The following LRIG1 variants were observed in gnomAD, a reference collection of about 807,000 sequenced individuals.
The protein encoded by LRIG1 is leucine rich repeats and immunoglobulin like domains 1, also known as leucine-rich repeats and immunoglobulin-like domains protein 1.
In LRIG1, 48 loss-of-function variants were observed where a neutral mutation model predicts 99.2. The ratio of observed to expected loss-of-function variants is 0.48; its 90% CI spans 0.38 to 0.62. The LOEUF (loss-of-function observed/expected upper bound fraction) is 0.62, where lower values mean the gene tolerates loss of function less well. LRIG1 is among the 20% of genes least tolerant of loss of function. LRIG1 has a pLI of 0.00. For synonymous variants in LRIG1, 772 were observed against 596.1 expected, an observed-to-expected ratio of 1.29 and a Z score of -4.30; for missense variants, 1,646 against 1,434.4, an observed-to-expected ratio of 1.15 and a Z score of -2.38.
At chr3:66,489,466 G>A (rs1476081498) in intron 1 of LRIG1, among the ~76,000 whole-genome samples, 1 of 152,076 alleles carries the variant, frequency 6.6e-6, no homozygotes, top group Non-Finnish European at 1.5e-5. Flanking sequence ...CGGCTATAGT[G>A]AGCCATGATT....
chr3:66,392,854 G>A (rs558138763), intron 12 of LRIG1, among the ~76,000 whole-genome samples: 16 of 152,300 alleles, frequency 1.1e-4, no homozygotes, highest in Admixed American at 6.5e-4. Flanking sequence ...AATGAACAAT[G>A]GATTATACAG....
intron 1 of LRIG1, among the ~76,000 whole-genome samples, chr3:66,469,907 CAAAAAA>C (rs55768550): frequency 8.6e-6 from 1 of 115,808 alleles, no homozygotes; most frequent in South Asian, 2.9e-4. Flanking sequence ...CTGTCCCTAC[CAAAAAA>C]AAAAAAAAAA....
intron 1 of LRIG1, among the ~76,000 whole-genome samples, chr3:66,479,401 C>G (rs1003226354): frequency 4.1e-4 from 63 of 152,184 alleles, no homozygotes; most frequent in African/African-American, 1.5e-3. Flanking sequence ...GCCACATTTT[C>G]TTTTTCCCTT....
At chr3:66,395,510 T>C (rs1386621758) in intron 11 of LRIG1, among the ~76,000 whole-genome samples, 1 of 152,350 alleles carries the variant, frequency 6.6e-6, no homozygotes, top group East Asian at 1.9e-4. Context: ...AAAATAATTA[T>C]AATTTTGGAA....
intron 14 of LRIG1, 26 bp from the exon 15 acceptor site, chr3:66,383,427 G>A (rs769306756): frequency 2.0e-6 from 3 of 1,517,174 alleles, no homozygotes; most frequent in African/African-American, 1.4e-5. Context: ...AGAGATCTTA[G>A]TCATTCTCAG....
At chr3:66,398,323 C>G in intron 10 of LRIG1, 140 bp from the exon 11 acceptor site, 4 of 635,634 alleles carry the variant, frequency 6.3e-6, no homozygotes, top group Non-Finnish European at 1.1e-5. Context: ...TGTTGTTTCC[C>G]AAATCGCAAC....
intron 8 of LRIG1, 29 bp downstream of exon 8, chr3:66,407,319 C>T: frequency 6.2e-7 from 1 of 1,613,786 alleles, no homozygotes. Flanking sequence ...CTGGGGACCC[C>T]TTTATCCTGT....
chr3:66,445,236 C>T (rs1291653284), intron 3 of LRIG1, among the ~76,000 whole-genome samples: 3 of 151,890 alleles, frequency 2.0e-5, no homozygotes, highest in South Asian at 4.2e-4. Flanking sequence ...TTTACTTTTA[C>T]ACTGACGGTT....
At chr3:66,475,737 ACCTGCACAAAC>A (rs1700707801) in intron 1 of LRIG1, among the ~76,000 whole-genome samples, 1 of 152,328 alleles carries the variant, frequency 6.6e-6, no homozygotes, top group Admixed American at 6.5e-5. Context: ...TGCAGAAAGC[ACCTGCACAAAC>A]TCGTCAGGAT....
Position 66,448,842 on chromosome 3 carries a change from T to G in LRIG1, c.365+2717A>C, listed in dbSNP as rs907740882. The stretch of plus-strand genomic sequence containing the variant: ...GGACTATAAGCATCTAACTATTAAC[T>G]ACCACATTTTCAGACGATGTGTTGA... On this transcript the variant is annotated intron_variant, in intron 3 of 18. Transcript: ENST00000273261. Among the ~76,000 whole-genome samples, 3 of 152,378 alleles carry G rather than the reference T, an allele frequency of 2.0e-5. No individual in the cohort carries two copies. The South Asian group carries it at 6.2e-4, about 32-fold the overall frequency.
In LRIG1 at chr3:66,379,952, ATT is replaced by A. The variant is rs111743305; in HGVS notation, c.*309_*310del. ...ACAGCAACCTGATACGAAAAATAAT[ATT>A]GTCAAAATTGTATAATTTTTTTCTG... On this transcript the variant is annotated 3_prime_UTR_variant, in exon 19 of 19. Transcript: ENST00000273261. 0.061 allele frequency: 11,853 copies of A among 194,102 alleles called. 475 individuals carry two copies. Among genetic ancestry groups the A allele is most frequent in the African/African-American group, 0.12 (5,114 of 42,908 alleles). 12.0% of individuals were successfully genotyped at this position (194,102 alleles called of 1,614,324 possible). A position where few individuals can be genotyped will look rare whatever the true frequency, so the allele number is the denominator to read the frequency against.
chr3:66,490,738 T>C (rs13319138), intron 1 of LRIG1, among the ~76,000 whole-genome samples: 10,024 of 152,236 alleles, frequency 0.066, 806 homozygotes, highest in African/African-American at 0.19. Context: ...TAAATTTAAT[T>C]AAGCTTCACA....
intron 3 of LRIG1, among the ~76,000 whole-genome samples, chr3:66,447,003 T>C (rs370867758): frequency 6.6e-6 from 1 of 152,156 alleles, no homozygotes; most frequent in African/African-American, 2.4e-5. Flanking sequence ...GTGGTGATGG[T>C]TGCACAACAC....
intron 13 of LRIG1, among the ~76,000 whole-genome samples, chr3:66,384,807 C>G (rs1701285023): frequency 6.6e-6 from 1 of 152,168 alleles, no homozygotes; most frequent in Non-Finnish European, 1.5e-5. Flanking sequence ...ATTCAGCTTG[C>G]TAGCTTGCTC....
chr3:66,385,125 A>C (rs1324531783), intron 13 of LRIG1, among the ~76,000 whole-genome samples: 2 of 151,980 alleles, frequency 1.3e-5, no homozygotes, highest in African/African-American at 4.8e-5. Context: ...GGGACAGTAA[A>C]CTCTTCAAGC....
In LRIG1 at chr3:66,460,081, G is replaced by T. The variant is rs1700322157; in HGVS notation, c.290+2357C>A. Among the ~76,000 whole-genome samples the T allele has an allele frequency of 1.3e-5, 2 of 151,926 alleles. 1 individual carries two copies. The highest frequency in any genetic ancestry group is 4.1e-4 in the South Asian group (2 of 4,822). On this transcript the variant is annotated intron_variant, in intron 2 of 18. Transcript: ENST00000273261. ...GTGTCCCCATAAATTTTGCGCCTGT[G>T]TTGGGTGCCTCACTTGCCCCTCCCC...
At position 66,393,964 on chromosome 3, in the gene LRIG1, AC is replaced by A; in HGVS notation, c.1468+75del. 3 of 1,473,538 alleles carry A rather than the reference AC, an allele frequency of 2.0e-6. No individual in the cohort carries two copies. In the South Asian group the frequency reaches 3.6e-5, roughly 18 times the overall value. 91.3% of individuals were successfully genotyped at this position (1,473,538 alleles called of 1,614,324 possible). On this transcript the variant is annotated intron_variant, in intron 12 of 18. Coordinates refer to ENST00000273261, the MANE Select transcript of LRIG1 (RefSeq NM_015541.3). The stretch of plus-strand genomic sequence containing the variant: ...GGGGTTTACTCTGATCACAGGAATT[AC>A]TCCCATAATGAAGAGTACCTCCTGG...
intron 9 of LRIG1, chr3:66,404,354 C>T (rs2106638653): frequency 7.8e-7 from 1 of 1,285,118 alleles, no homozygotes; most frequent in Non-Finnish European, 1.0e-6. Context: ...GGCAGCCGTC[C>T]TCTCTGTCTT....
chr3:66,394,290 A>G (rs1701756081), intron 11 of LRIG1, 87 bp from the exon 12 acceptor site: 3 of 1,178,184 alleles, frequency 2.5e-6, no homozygotes, highest in Non-Finnish European at 3.5e-6. Flanking sequence ...GTCGCCTCCA[A>G]TCAGCTTCTC....
Sources: allele counts gnomAD v4.1 joint callset (sites outside exome capture counted in the v4.1 genomes callset), GRCh38; gene constraint gnomAD v4.1.1; transcripts MANE v1.5; gene names NCBI Gene and HGNC (gene_info 2026-07-23, HGNC 2026-07-21).